Variants in CIROZ observed in about 807,000 individuals in gnomAD.
CIROZ encodes the protein ciliated left-right organizer ZP-N domains-containing protein.
the CIROZ span, among the ~76,000 whole-genome samples, chr1:10,966,855 C>T: frequency 1.3e-5 from 2 of 152,012 alleles, no homozygotes; most frequent in East Asian, 1.9e-4. Context: ...CTGCTCAAAC[C>T]TCTTCATTGC....
chr1:10,966,423 G>T, the CIROZ span: 1 of 1,536,806 alleles, frequency 6.5e-7, no homozygotes, highest in South Asian at 1.2e-5. Flanking sequence ...GAAGCCAGAT[G>T]CAGGAAGTAG....
chr1:10,955,028 C>G, the CIROZ span: 1 of 1,612,166 alleles, frequency 6.2e-7, no homozygotes, highest in East Asian at 2.2e-5. Flanking sequence ...ATGCTGACCA[C>G]CACAAAGTCC....
the CIROZ span, chr1:10,948,222 C>G: frequency 6.2e-7 from 1 of 1,613,964 alleles, no homozygotes; most frequent in Non-Finnish European, 8.5e-7. Context: ...CATGTGCCCC[C>G]TGGCCCCCTC....
At chr1:10,958,851 A>T in the CIROZ span, 1 of 1,250,172 alleles carries the variant, frequency 8.0e-7, no homozygotes, top group Middle Eastern at 2.2e-4. Flanking sequence ...TTACCCCAGC[A>T]GGAGGCCGGT....
chr1:10,948,486 TCAGGCCTCA>T, the CIROZ span: 1 of 1,614,106 alleles, frequency 6.2e-7, no homozygotes, highest in Non-Finnish European at 8.5e-7. Context: ...GGGGTCCTGT[TCAGGCCTCA>T]CAGTTCCTAG....
chr1:10,970,506 G>A, the CIROZ span, among the ~76,000 whole-genome samples: 2 of 152,156 alleles, frequency 1.3e-5, no homozygotes, highest in Non-Finnish European at 2.9e-5. Flanking sequence ...GCGCATGCCT[G>A]TAATCGCAGC....
the CIROZ span, among the ~76,000 whole-genome samples, chr1:10,956,439 C>A: frequency 6.6e-6 from 1 of 151,984 alleles, no homozygotes; most frequent in Admixed American, 6.6e-5. Flanking sequence ...CAAGAATTTG[C>A]AGACCTCAAG....
At chr1:10,957,504 G>A in the CIROZ span, 1 of 1,476,996 alleles carries the variant, frequency 6.8e-7, no homozygotes, top group South Asian at 1.4e-5. Context: ...AATCTGTCCA[G>A]TCTCGCAGGT....
chr1:10,973,712 C>T, the CIROZ span, among the ~76,000 whole-genome samples: 8 of 152,088 alleles, frequency 5.3e-5, no homozygotes, highest in South Asian at 2.1e-4. Context: ...TTGGGTGCCT[C>T]GGCAACCTCC....
At chr1:10,977,355 C>A in the CIROZ span, among the ~76,000 whole-genome samples, 60 of 150,696 alleles carry the variant, frequency 4.0e-4, no homozygotes, top group African/African-American at 1.5e-3. Context: ...TGGTGGCGTG[C>A]GCCTGTAATC....
the CIROZ span, among the ~76,000 whole-genome samples, chr1:10,974,452 C>T: frequency 9.1e-4 from 139 of 152,218 alleles, no homozygotes; most frequent in African/African-American, 3.2e-3. This position sits in a 1 kb window ranked among gnomAD's most constrained non-coding sequence, Gnocchi z 4.4. Flanking sequence ...CAGAGACGTC[C>T]GAAAGACTTG....
the CIROZ span, chr1:10,964,006 C>T: frequency 8.1e-7 from 1 of 1,229,138 alleles, no homozygotes; most frequent in Non-Finnish European, 1.1e-6. Context: ...TCTGCAGCTA[C>T]CACCTGTCTC....
At chr1:10,966,333 A>G in the CIROZ span, 8 of 1,499,980 alleles carry the variant, frequency 5.3e-6, no homozygotes, top group Non-Finnish European at 6.2e-6. Flanking sequence ...TTAAAAAAAA[A>G]AAAAGAAAAG....
the CIROZ span, among the ~76,000 whole-genome samples, chr1:10,966,867 G>A: frequency 5.9e-5 from 9 of 151,940 alleles, no homozygotes; most frequent in Non-Finnish European, 7.4e-5. Flanking sequence ...CTTCATTGCC[G>A]GCCAGGCACG....
chr1:10,976,259 G>T, the CIROZ span: 1 of 1,534,670 alleles, frequency 6.5e-7, no homozygotes, highest in South Asian at 1.2e-5. Context: ...AGACGGCCCT[G>T]CGGGAGAGGA....
chr1:10,962,850 T>C, the CIROZ span, among the ~76,000 whole-genome samples: 8 of 152,264 alleles, frequency 5.3e-5, no homozygotes, highest in African/African-American at 1.9e-4. Flanking sequence ...CCAGGCGTAG[T>C]GGCCCACGCC....
the CIROZ span, among the ~76,000 whole-genome samples, chr1:10,973,099 G>A: frequency 0.045 from 6,801 of 152,260 alleles, 517 homozygotes; most frequent in African/African-American, 0.15. Context: ...CAGGCCAGGT[G>A]CAGTGGCTCA....
At chr1:10,976,145 G>A in the CIROZ span, 4 of 1,534,054 alleles carry the variant, frequency 2.6e-6, no homozygotes, top group Non-Finnish European at 3.5e-6. Context: ...ATAAAAGTGT[G>A]ATTGATTCAC....
At chr1:10,977,666 A>G in the CIROZ span, among the ~76,000 whole-genome samples, 18 of 152,276 alleles carry the variant, frequency 1.2e-4, no homozygotes, top group African/African-American at 3.8e-4. Context: ...AGGGAAGCCA[A>G]TGGAACCTCC....
Sources: gnomAD v4.1 joint callset for allele counts (sites outside exome capture counted in the v4.1 genomes callset) on GRCh38, gnomAD v4.1.1 for gene constraint, Gnocchi (gnomAD v3.1) non-coding constraint, MANE v1.5 for transcripts, NCBI Gene and HGNC (gene_info 2026-07-23, HGNC 2026-07-21) for gene names.